BLVRA: variants seen among roughly 807,000 people sequenced by gnomAD.
BLVRA encodes biliverdin reductase A.
A neutral mutation model predicts 32.8 loss-of-function variants in BLVRA; 22 were observed. That is an observed-to-expected ratio of 0.67 (90% confidence interval 0.48 to 0.96). The LOEUF (loss-of-function observed/expected upper bound fraction) is 0.96. Among genes scored for constraint, BLVRA ranks in the 40% least tolerant of loss-of-function variants. BLVRA has a pLI of 0.00. For missense variants in BLVRA, 323 were observed against 358.1 expected (o/e 0.90, Z 0.79); for synonymous variants, 119 against 141.3 (o/e 0.84, Z 1.12).
chr7:43,795,040 G>A (rs60897458), intron 5 of BLVRA, among the ~76,000 whole-genome samples: 12,647 of 150,764 alleles, frequency 0.084, 618 homozygotes, highest in East Asian at 0.18. Flanking sequence ...GTGAAACTCC[G>A]TCTCTACTAA....
At chr7:43,783,191 GA>G (rs554774524) in intron 2 of BLVRA, among the ~76,000 whole-genome samples, 54 of 151,332 alleles carry the variant, frequency 3.6e-4, no homozygotes, top group African/African-American at 1.2e-3. Flanking sequence ...AGGAAAAAAA[GA>G]AAAAAAAATA....
intron 5 of BLVRA, among the ~76,000 whole-genome samples, chr7:43,799,635 G>C (rs2095796531): frequency 6.6e-6 from 1 of 152,064 alleles, no homozygotes; most frequent in South Asian, 2.1e-4. Context: ...ACCACACCTA[G>C]CTAATTTTTT....
chr7:43,800,367 C>A, intron 5 of BLVRA, 98 bp from the exon 6 acceptor site: 1 of 1,175,196 alleles, frequency 8.5e-7, no homozygotes, highest in Non-Finnish European at 1.3e-6. Flanking sequence ...GTTATGAGTG[C>A]TTCATGTCTT....
chr7:43,767,550 T>C, intron 1 of BLVRA: 1 of 1,069,090 alleles, frequency 9.4e-7, no homozygotes, highest in South Asian at 1.3e-5. Context: ...TTTATGTATG[T>C]GGTCTGGAAT....
In BLVRA at chr7:43,803,768, CTT is replaced by C; in HGVS notation, c.554_555del (p.Leu185ArgfsTer32). 17 of 1,614,136 alleles carry C rather than the reference CTT, an allele frequency of 1.1e-5. No homozygotes were observed. Among genetic ancestry groups the C allele is most frequent in the Non-Finnish European group, 1.4e-5 (17 of 1,180,020 alleles). On this transcript the variant is annotated frameshift_variant, in exon 7 of 8. Transcript: ENST00000265523. LOFTEE classifies it high-confidence loss of function. ...GGTCTCCCTCTTTGGGGAGCTTTCTCTTGTGTCTGCCACTTTGGAAGAGCGAA... is the reference window on the plus strand; with the variant it reads ...GGTCTCCCTCTTTGGGGAGCTTTCTCGTGTCTGCCACTTTGGAAGAGCGAA... ...WLVSLFGELS[L>X]VSATLEERKE...
chr7:43,783,843 G>C (rs890944218), intron 2 of BLVRA, among the ~76,000 whole-genome samples: 4 of 152,132 alleles, frequency 2.6e-5, no homozygotes, highest in Non-Finnish European at 1.5e-5. Context: ...AAAACGACTA[G>C]TTTGTTCTGT....
At chr7:43,765,730 G>A (rs1199102969) in intron 1 of BLVRA, among the ~76,000 whole-genome samples, 1 of 152,186 alleles carries the variant, frequency 6.6e-6, no homozygotes, top group East Asian at 1.9e-4. Context: ...TGAATTACCA[G>A]GTATTGAAAC....
Position 43,759,031 on chromosome 7 carries a change from C to T in BLVRA, c.-22+297C>T, listed in dbSNP as rs183228550. ...TTTCGGTTAAGACTGCCCGTAGTTT[C>T]GGTTTTTATGTAGACCCAAGAGGGC... On this transcript the variant is annotated intron_variant, in intron 1 of 7. Transcript: ENST00000265523. Among the ~76,000 whole-genome samples, 15 of 152,358 alleles carry T rather than the reference C, an allele frequency of 9.8e-5. No homozygotes were observed. The East Asian group carries it at 2.9e-3, about 29-fold the overall frequency.
intron 2 of BLVRA, among the ~76,000 whole-genome samples, chr7:43,778,480 G>A (rs145974107): frequency 0.14 from 22,029 of 152,044 alleles, 2,151 homozygotes; most frequent in Non-Finnish European, 0.21. Context: ...GCGGATTTTC[G>A]TGAACCGCAA....
At chr7:43,758,182 T>A (rs2095738066), upstream of BLVRA, among the ~76,000 whole-genome samples, 1 of 152,114 alleles carries the variant, frequency 6.6e-6, no homozygotes, top group Non-Finnish European at 1.5e-5. Flanking sequence ...CCTGGAATAT[T>A]CCCTCCGCTC....
At chr7:43,777,306 CT>C (rs1668271427) in intron 2 of BLVRA, among the ~76,000 whole-genome samples, 1 of 151,670 alleles carries the variant, frequency 6.6e-6, no homozygotes, top group Admixed American at 6.6e-5. Flanking sequence ...ATGTTTAGTG[CT>C]TCCTTCAGGA....
At chr7:43,779,319 A>G (rs892246864) in intron 2 of BLVRA, among the ~76,000 whole-genome samples, 5 of 152,226 alleles carry the variant, frequency 3.3e-5, no homozygotes, top group Admixed American at 3.3e-4. Flanking sequence ...CCTGCAAGGC[A>G]GGCTTCTCAA....
At chr7:43,797,632 A>C (rs948330908) in intron 5 of BLVRA, among the ~76,000 whole-genome samples, 1 of 152,228 alleles carries the variant, frequency 6.6e-6, no homozygotes, top group Non-Finnish European at 1.5e-5. Context: ...TGGCATTGGT[A>C]CATTACAACA....
chr7:43,780,359 T>G (rs2529585), intron 2 of BLVRA, among the ~76,000 whole-genome samples: 177 of 152,322 alleles, frequency 1.2e-3, no homozygotes, highest in Non-Finnish European at 1.7e-3. Flanking sequence ...GTCATTGCCT[T>G]GATGTAGTCA....
At chr7:43,769,582 G>T (rs953548647) in intron 1 of BLVRA, among the ~76,000 whole-genome samples, 33 of 151,928 alleles carry the variant, frequency 2.2e-4, no homozygotes, top group African/African-American at 7.5e-4. Flanking sequence ...AGAAGGGAGG[G>T]GAGTTGCCGA....
rs1002892559 is a variant in BLVRA, at chr7:43,761,504, G to C, written c.-22+2770G>C. Among the ~76,000 whole-genome samples, 10 of 152,166 alleles carry C rather than the reference G, an allele frequency of 6.6e-5. No individual in the cohort carries two copies. In the East Asian group the frequency reaches 1.9e-3, roughly 29 times the overall value. ...TGAGTCCCAAATTTGTTTCTAGAAAGGTAAACTTGGTCAGTTACATGGTTC... is the reference window on the plus strand; with the variant it reads ...TGAGTCCCAAATTTGTTTCTAGAAACGTAAACTTGGTCAGTTACATGGTTC... On this transcript the variant is annotated intron_variant, in intron 1 of 7. Transcript: ENST00000265523.
chr7:43,806,942 C>T (rs1316639653), intron 7 of BLVRA, 35 bp from the exon 8 acceptor site: 2 of 1,612,068 alleles, frequency 1.2e-6, no homozygotes, highest in South Asian at 1.1e-5. Context: ...CTTGTGTAAT[C>T]TCTAACATGA....
intron 4 of BLVRA, 53 bp from the exon 5 acceptor site, chr7:43,792,662 C>T (rs541022336): frequency 1.2e-4 from 185 of 1,491,210 alleles, no homozygotes; most frequent in African/African-American, 5.1e-4. Context: ...CAGAGCATTT[C>T]AGTGAAGCTT....
intron 5 of BLVRA, among the ~76,000 whole-genome samples, chr7:43,797,682 C>A (rs1356588633): frequency 6.6e-6 from 1 of 152,040 alleles, no homozygotes; most frequent in Non-Finnish European, 1.5e-5. Flanking sequence ...ACCAGTTGTC[C>A]CAATAACATT....
Sources: gnomAD v4.1 joint callset for allele counts (sites outside exome capture counted in the v4.1 genomes callset) on GRCh38, gnomAD v4.1.1 for gene constraint, MANE v1.5 for transcripts, NCBI Gene and HGNC (gene_info 2026-07-23, HGNC 2026-07-21) for gene names.